The following NOX3 variants were observed in gnomAD, a reference collection of about 807,000 sequenced individuals.
NOX3 encodes the protein NADPH oxidase catalytic subunit-like 3.
A neutral mutation model predicts 76.7 loss-of-function variants in NOX3; 74 were observed. The observed-to-expected ratio is 0.96, with a 90% CI of 0.80 to 1.17. The LOEUF is 1.17. Ranked by LOEUF, NOX3 falls within the 50% of genes most tolerant of loss-of-function variation. The pLI, the probability that NOX3 is intolerant of heterozygous loss-of-function variation, is 0.00. For missense variants in NOX3, 695 were observed against 703.3 expected (o/e 0.99, Z 0.13); for synonymous variants, 263 against 261.1 (o/e 1.01, Z -0.07).
intron 7 of NOX3, among the ~76,000 whole-genome samples, chr6:155,433,362 CAA>C (rs993595045): frequency 1.7e-4 from 26 of 152,022 alleles, no homozygotes; most frequent in Non-Finnish European, 8.8e-5. Context: ...CCGGGACAGA[CAA>C]GAGAGAATCA....
At chr6:155,432,407 G>GC (rs1562467091) in intron 7 of NOX3, among the ~76,000 whole-genome samples, 1 of 120,358 alleles carries the variant, frequency 8.3e-6, no homozygotes, top group East Asian at 3.0e-4. Flanking sequence ...AGTATCTGGG[G>GC]CGGGGGGTGG....
At chr6:155,443,146 C>A in intron 5 of NOX3, 127 bp downstream of exon 5, 15 of 1,050,706 alleles carry the variant, frequency 1.4e-5, no homozygotes, top group Middle Eastern at 4.8e-4. Flanking sequence ...AAATTGAAAA[C>A]AAATTCACAT....
In NOX3 at chr6:155,422,782, G is replaced by A. The variant is rs779505861; in HGVS notation, c.1220C>T (p.Ala407Val). The A allele has an allele frequency of 1.2e-5, 19 of 1,614,140 alleles. No homozygotes were observed. The highest frequency in any genetic ancestry group is 6.6e-5 in the South Asian group (6 of 91,072). Residue 407 changes from alanine to valine, a missense_variant, in exon 10 of 14, where the codon GCG (alanine) becomes GTG (valine). Transcript: ENST00000159060. ...FHYPVCVCVA[A>V]GIGVTPFAAL... ...AGCGAAGGGAGTGACTCCGATCCCC[G>A]CGGCAACGCACACACACACTGGGTA... is the stretch of plus-strand genomic sequence containing the variant.
intron 12 of NOX3, among the ~76,000 whole-genome samples, chr6:155,401,778 C>T (rs1185758561): frequency 4.6e-5 from 6 of 129,374 alleles, no homozygotes; most frequent in Non-Finnish European, 6.4e-5. Flanking sequence ...AGAAATACGT[C>T]TACTGAAATT....
In NOX3 at chr6:155,454,941, T is replaced by A. The variant is rs1348826532; in HGVS notation, c.145-20A>T. The A allele has an allele frequency of 6.3e-7, 1 of 1,591,424 alleles. No individual in the cohort carries two copies. The highest frequency in any genetic ancestry group is 1.1e-5 in the South Asian group (1 of 89,548). ...TGTTGACTGTCCACATGTAAAGACA[T>A]AAAAAAGAGATTCAGGGAAAACAAG... On this transcript the variant is annotated intron_variant, in intron 2 of 13. Coordinates refer to ENST00000159060, the MANE Select transcript of NOX3 (RefSeq NM_015718.3).
chr6:155,445,969 A>ATATGCT (rs1380551108), intron 4 of NOX3, among the ~76,000 whole-genome samples: 15 of 96,682 alleles, frequency 1.6e-4, no homozygotes, highest in African/African-American at 6.2e-4. Flanking sequence ...ATATATATAT[A>ATATGCT]ATATATATAT....
chr6:155,429,240 G>A (rs1284369448), intron 8 of NOX3, among the ~76,000 whole-genome samples, 193 bp from the exon 9 acceptor site: 1 of 152,194 alleles, frequency 6.6e-6, no homozygotes, highest in African/African-American at 2.4e-5. Flanking sequence ...CAAGAATGAT[G>A]CTCCTCTCCT....
Position 155,428,908 on chromosome 6 carries a change from G to T in NOX3, c.1031C>A (p.Pro344His), listed in dbSNP as rs763222728. ...EWHPFTLTSA[P>H]QEDFFSVHIR... ...GTGCACGCTGAAAAAGTCCTCCTGGGGGGCAGAGGTAAGGGTGAAGGGGTG... is the reference window on the plus strand; with the variant it reads ...GTGCACGCTGAAAAAGTCCTCCTGGTGGGCAGAGGTAAGGGTGAAGGGGTG... Residue 344 changes from proline (P) to histidine (H), a missense_variant, in exon 9 of 14, where the codon CCC becomes CAC. Coordinates refer to ENST00000159060, the MANE Select transcript of NOX3 (RefSeq NM_015718.3). The T allele has an allele frequency of 9.3e-6, 15 of 1,613,762 alleles. No individual in the cohort carries two copies. Among genetic ancestry groups the T allele is most frequent in the Non-Finnish European group, 5.1e-6 (6 of 1,179,888 alleles).
At chr6:155,431,421 C>A (rs1208316713) in intron 7 of NOX3, among the ~76,000 whole-genome samples, 4 of 150,040 alleles carry the variant, frequency 2.7e-5, no homozygotes, top group Non-Finnish European at 6.0e-5. Flanking sequence ...GAAACACACA[C>A]ACACACACAC....
At chr6:155,421,298 T>A (rs1776685726) in intron 10 of NOX3, among the ~76,000 whole-genome samples, 1 of 152,230 alleles carries the variant, frequency 6.6e-6, no homozygotes, top group Non-Finnish European at 1.5e-5. Flanking sequence ...AAAACAGGCC[T>A]TGTGTTACTT....
intron 6 of NOX3, among the ~76,000 whole-genome samples, chr6:155,439,297 A>G (rs922106454): frequency 6.6e-6 from 1 of 152,226 alleles, no homozygotes; most frequent in Admixed American, 6.5e-5. Flanking sequence ...TTAATATTTA[A>G]AGGATTGAAA....
intron 10 of NOX3, among the ~76,000 whole-genome samples, chr6:155,416,386 G>C (rs1202993052): frequency 1.3e-5 from 2 of 152,110 alleles, no homozygotes; most frequent in African/African-American, 4.8e-5. Context: ...TTATTGTCCT[G>C]GTTTTTATTT....
intron 12 of NOX3, 24 bp downstream of exon 12, chr6:155,407,106 G>A: frequency 1.9e-6 from 3 of 1,613,256 alleles, no homozygotes; most frequent in Non-Finnish European, 2.5e-6. Flanking sequence ...GCCTGGCAGG[G>A]AGAGGAGCAA....
intron 10 of NOX3, among the ~76,000 whole-genome samples, chr6:155,414,276 A>T (rs1040455951): frequency 6.6e-6 from 1 of 152,208 alleles, no homozygotes; most frequent in Non-Finnish European, 1.5e-5. Context: ...GGGAAGGGAC[A>T]TAAGAGTTCC....
chr6:155,421,739 C>T (rs1022238691), intron 10 of NOX3, among the ~76,000 whole-genome samples: 2 of 152,150 alleles, frequency 1.3e-5, no homozygotes, highest in Non-Finnish European at 2.9e-5. Flanking sequence ...AAGTGATCCT[C>T]CCACTTCAAT....
At chr6:155,425,050 C>G (rs1037058789) in intron 9 of NOX3, among the ~76,000 whole-genome samples, 2 of 152,210 alleles carry the variant, frequency 1.3e-5, no homozygotes, top group African/African-American at 4.8e-5. Context: ...CTGAGAGATG[C>G]TCATATACCT....
At chr6:155,438,119 A>C (rs1305882945) in intron 6 of NOX3, among the ~76,000 whole-genome samples, 1 of 152,172 alleles carries the variant, frequency 6.6e-6, no homozygotes, top group African/African-American at 2.4e-5. Context: ...GGGGGTAAGC[A>C]CATCATGTCT....
chr6:155,420,082 T>G (rs1281568394), intron 10 of NOX3, among the ~76,000 whole-genome samples: 5 of 152,150 alleles, frequency 3.3e-5, no homozygotes, highest in African/African-American at 7.2e-5. Flanking sequence ...GAACTCACAG[T>G]CTGTTAGAGA....
intron 9 of NOX3, among the ~76,000 whole-genome samples, chr6:155,428,586 C>CTTTTTT (rs35328292): frequency 7.2e-6 from 1 of 138,434 alleles, no homozygotes. Flanking sequence ...GTCTTTTTTT[C>CTTTTTT]TTTTTTTTTT....
Sources: gnomAD v4.1 joint callset for allele counts (sites outside exome capture counted in the v4.1 genomes callset) on GRCh38, gnomAD v4.1.1 for gene constraint, MANE v1.5 for transcripts, NCBI Gene and HGNC (gene_info 2026-07-23, HGNC 2026-07-21) for gene names.